UBE2E3: variants seen among roughly 807,000 people sequenced by gnomAD.
UBE2E3 encodes the protein ubiquitin-conjugating enzyme E2 E3.
UBE2E3 carries 5 observed loss-of-function variants against 23.6 expected under a neutral mutation model. The ratio of observed to expected loss-of-function variants is 0.21; its 90% CI spans 0.11 to 0.44. The LOEUF is 0.44. Ranked by LOEUF, UBE2E3 falls within the 20% of genes least tolerant of loss-of-function variation. The pLI is 0.99. For missense variants in UBE2E3, 81 were observed against 249.8 expected (o/e 0.32, Z 4.55); for synonymous variants, 78 against 87.5 (o/e 0.89, Z 0.60).
intron 3 of UBE2E3, among the ~76,000 whole-genome samples, chr2:181,034,821 T>G (rs560037891): frequency 8.5e-5 from 13 of 152,306 alleles, no homozygotes; most frequent in Admixed American, 7.9e-4. Flanking sequence ...TGAACAAATG[T>G]GGCTTTCAAC....
At chr2:181,014,179 TA>T (rs2105612626) in intron 3 of UBE2E3, among the ~76,000 whole-genome samples, 1 of 152,296 alleles carries the variant, frequency 6.6e-6, no homozygotes, top group South Asian at 2.1e-4. Flanking sequence ...CTGGAGGGTG[TA>T]AAGATGGAAG....
chr2:181,036,521 A>C (rs1007163159), intron 3 of UBE2E3, among the ~76,000 whole-genome samples: 3 of 152,104 alleles, frequency 2.0e-5, no homozygotes, highest in Non-Finnish European at 4.4e-5. Context: ...TTCCCTCCTA[A>C]ATTTCAGAGA....
chr2:181,032,200 G>A (rs1686103178), intron 3 of UBE2E3, among the ~76,000 whole-genome samples: 1 of 152,114 alleles, frequency 6.6e-6, no homozygotes, highest in Admixed American at 6.6e-5. Flanking sequence ...TTGAAGTAGT[G>A]TGTTATGAAG....
intron 3 of UBE2E3, among the ~76,000 whole-genome samples, chr2:181,033,264 A>C (rs576459936): frequency 1.3e-5 from 2 of 152,316 alleles, no homozygotes; most frequent in African/African-American, 2.4e-5. Flanking sequence ...GCATCACGCT[A>C]CCTGACTTCA....
chr2:181,003,207 A>G (rs573624571), intron 3 of UBE2E3, among the ~76,000 whole-genome samples: 5 of 152,230 alleles, frequency 3.3e-5, no homozygotes, highest in South Asian at 2.1e-4. Flanking sequence ...GCCTAAATAT[A>G]TTTTCATTGG....
intron 3 of UBE2E3, among the ~76,000 whole-genome samples, chr2:181,001,026 T>A (rs1684974709): frequency 6.6e-6 from 1 of 152,216 alleles, no homozygotes; most frequent in African/African-American, 2.4e-5. Flanking sequence ...TAAGATTTAC[T>A]GTGATGAGAT....
intron 3 of UBE2E3, among the ~76,000 whole-genome samples, chr2:181,001,827 A>G (rs1040198241): frequency 6.6e-6 from 1 of 152,172 alleles, no homozygotes; most frequent in Non-Finnish European, 1.5e-5. Flanking sequence ...ATATCTGTTA[A>G]TATACTGTTT....
At chr2:181,037,500 G>A (rs898805426) in intron 3 of UBE2E3, among the ~76,000 whole-genome samples, 4 of 152,010 alleles carry the variant, frequency 2.6e-5, no homozygotes, top group African/African-American at 9.7e-5. Context: ...GTGTATGTTT[G>A]TGTCTTAGTT....
At chr2:181,008,096 G>A (rs533419359) in intron 3 of UBE2E3, among the ~76,000 whole-genome samples, 2 of 152,256 alleles carry the variant, frequency 1.3e-5, no homozygotes, top group African/African-American at 4.8e-5. Context: ...TTTAAAGTTG[G>A]GCCTGGGTGA....
rs181091430 is a variant in UBE2E3 at position 181,016,262 on chromosome 2, T to A, written c.245+32169T>A. ...AAATTTTTTTTTTTAAATTTTTTAG[T>A]ACAGACAGGATCTCACTGTGTAGTC... On this transcript the variant is annotated intron_variant, in intron 3 of 5. Coordinates refer to ENST00000410062, the MANE Select transcript of UBE2E3 (RefSeq NM_006357.4). 9.2e-5 allele frequency among the ~76,000 whole-genome samples: 14 copies of A among 152,150 alleles called. No individual in the cohort carries two copies. In the East Asian group the frequency reaches 2.7e-3, roughly 29 times the overall value.
chr2:181,022,866 G>A (rs980983600), intron 3 of UBE2E3, among the ~76,000 whole-genome samples: 2 of 152,066 alleles, frequency 1.3e-5, no homozygotes, highest in Admixed American at 1.3e-4. Flanking sequence ...GACTGCAAAA[G>A]CCCCTAGTAT....
At chr2:181,021,314 T>G (rs1298137173) in intron 3 of UBE2E3, among the ~76,000 whole-genome samples, 1 of 152,042 alleles carries the variant, frequency 6.6e-6, no homozygotes, top group Non-Finnish European at 1.5e-5. Context: ...AAAAATTGAT[T>G]ATCCAGATAA....
intron 3 of UBE2E3, among the ~76,000 whole-genome samples, chr2:181,017,644 T>G (rs1469943922): frequency 3.7e-5 from 1 of 27,142 alleles, no homozygotes; most frequent in Non-Finnish European, 9.2e-5. Flanking sequence ...GGACTCTTCC[T>G]TGATCCATTT....
chr2:180,981,029 T>TGGGGGA (rs1366086231), intron 1 of UBE2E3, 56 bp downstream of exon 1: 21 of 139,340 alleles, frequency 1.5e-4, no homozygotes, highest in Admixed American at 9.8e-4. Context: ...GCGGCGGCGG[T>TGGGGGA]GGGGGAGGGG....
chr2:181,003,758 G>A (rs950052276), intron 3 of UBE2E3, among the ~76,000 whole-genome samples: 3 of 152,124 alleles, frequency 2.0e-5, no homozygotes, highest in Admixed American at 6.5e-5. Context: ...ATGATGAATT[G>A]TTACAAGTAT....
intron 3 of UBE2E3, chr2:180,989,815 CA>C: frequency 2.0e-6 from 3 of 1,466,422 alleles, no homozygotes. Flanking sequence ...CTCTCATAAC[CA>C]ATTAGTACTT....
At chr2:181,059,723 G>A (rs566301014) in intron 4 of UBE2E3, among the ~76,000 whole-genome samples, 1 of 151,668 alleles carries the variant, frequency 6.6e-6, no homozygotes, top group East Asian at 1.9e-4. Flanking sequence ...TGCTGTATTG[G>A]TCAGAGCAGT....
chr2:181,012,441 G>A (rs1685359315), intron 3 of UBE2E3, among the ~76,000 whole-genome samples: 2 of 152,158 alleles, frequency 1.3e-5, no homozygotes, highest in South Asian at 4.1e-4. Context: ...GAATGTCAAG[G>A]GATGTGTGTG....
intron 3 of UBE2E3, among the ~76,000 whole-genome samples, chr2:180,986,351 A>G (rs925330679): frequency 1.3e-5 from 2 of 152,158 alleles, no homozygotes; most frequent in African/African-American, 2.4e-5. Context: ...TAAAATATCC[A>G]GATACTTTGT....
Sources: allele counts gnomAD v4.1 joint callset (sites outside exome capture counted in the v4.1 genomes callset), GRCh38; gene constraint gnomAD v4.1.1; transcripts MANE v1.5; gene names NCBI Gene and HGNC (gene_info 2026-07-23, HGNC 2026-07-21).